The following UBE2H variants were observed in gnomAD, a reference collection of about 807,000 sequenced individuals.
UBE2H encodes ubiquitin-conjugating enzyme E2 H.
Under a neutral mutation model 29.0 loss-of-function variants are expected in UBE2H, and 3 were observed. The ratio of observed to expected loss-of-function variants is 0.10; its 90% CI spans 0.05 to 0.27. The LOEUF (loss-of-function observed/expected upper bound fraction) is 0.27, where lower values mean the gene tolerates loss of function less well. Among genes scored for constraint, UBE2H ranks in the 10% least tolerant of loss-of-function variants. The pLI, the probability that UBE2H is intolerant of heterozygous loss-of-function variation, is 1.00. For synonymous variants in UBE2H, 69 were observed against 82.9 expected, an observed-to-expected ratio of 0.83 and a Z score of 0.91; for missense variants, 68 against 228.2, an observed-to-expected ratio of 0.30 and a Z score of 4.52.
chr7:129,884,584 G>A (rs1213518084), intron 1 of UBE2H, among the ~76,000 whole-genome samples: 9 of 150,314 alleles, frequency 6.0e-5, no homozygotes, highest in Non-Finnish European at 1.3e-4. Flanking sequence ...CTGGTTCAAC[G>A]AATTACTATT....
chr7:129,884,937 A>AAAG (rs1806329259), intron 1 of UBE2H, among the ~76,000 whole-genome samples: 1 of 152,060 alleles, frequency 6.6e-6, no homozygotes, highest in Non-Finnish European at 1.5e-5. Context: ...GCACTGGCTC[A>AAAG]TGCCTATAAT....
At chr7:129,899,207 A>G (rs1202954169) in intron 1 of UBE2H, among the ~76,000 whole-genome samples, 1 of 151,952 alleles carries the variant, frequency 6.6e-6, no homozygotes, top group East Asian at 1.9e-4. Context: ...GTCTGTTGGT[A>G]TACTTTTTCA....
At chr7:129,878,969 TGG>T (rs1806202066) in intron 3 of UBE2H, among the ~76,000 whole-genome samples, 5 of 151,822 alleles carry the variant, frequency 3.3e-5, no homozygotes, top group African/African-American at 1.2e-4. Context: ...AGTGCCTCAA[TGG>T]GGGTGACAGG....
At chr7:129,930,305 G>A (rs2116491722) in intron 1 of UBE2H, among the ~76,000 whole-genome samples, 1 of 152,200 alleles carries the variant, frequency 6.6e-6, no homozygotes, top group Admixed American at 6.5e-5. Context: ...GGGATTACAG[G>A]CATGCGCCAC....
intron 3 of UBE2H, among the ~76,000 whole-genome samples, chr7:129,870,193 C>T (rs527460953): frequency 6.6e-6 from 1 of 152,302 alleles, no homozygotes; most frequent in Non-Finnish European, 1.5e-5. Context: ...TCTGATCCTG[C>T]TCCCTCCTTC....
At chr7:129,945,429 C>T (rs1807742720) in intron 1 of UBE2H, among the ~76,000 whole-genome samples, 1 of 152,150 alleles carries the variant, frequency 6.6e-6, no homozygotes, top group South Asian at 2.1e-4. Flanking sequence ...CAAAAAACAT[C>T]AAAGTTTAAA....
intron 5 of UBE2H, among the ~76,000 whole-genome samples, chr7:129,849,049 G>A (rs1488992922): frequency 1.3e-5 from 2 of 152,022 alleles, no homozygotes; most frequent in Non-Finnish European, 2.9e-5. Flanking sequence ...CCTGCTTGCA[G>A]TCTGTAAACA....
chr7:129,936,025 C>T (rs62491537), intron 1 of UBE2H, among the ~76,000 whole-genome samples: 22,100 of 152,064 alleles, frequency 0.15, 1,678 homozygotes, highest in Admixed American at 0.2. Flanking sequence ...GCCACCATTG[C>T]TTTGTAATAC....
intron 1 of UBE2H, among the ~76,000 whole-genome samples, chr7:129,944,748 A>ACACACC (rs34490269): frequency 7.1e-6 from 1 of 140,040 alleles, no homozygotes; most frequent in Admixed American, 7.1e-5. Flanking sequence ...ACACACACAC[A>ACACACC]CACGCACGCA....
intron 1 of UBE2H, among the ~76,000 whole-genome samples, chr7:129,933,957 G>T (rs532016577): frequency 6.6e-6 from 1 of 152,044 alleles, no homozygotes; most frequent in East Asian, 1.9e-4. Context: ...ACAAAAAGTG[G>T]GCCATAACAT....
At position 129,871,150 on chromosome 7, in the gene UBE2H, A is replaced by C. The variant is rs984195784; in HGVS notation, c.205+8418T>G. Among the ~76,000 whole-genome samples the C allele has an allele frequency of 2.6e-5, 4 of 152,192 alleles. No homozygotes were observed. In the South Asian group the frequency reaches 6.2e-4, roughly 24 times the overall value. On this transcript the variant is annotated intron_variant, in intron 3 of 6. Transcript: ENST00000355621. ...AAAGAACATAAAGTATTAAGAGAGC[A>C]ATTTGTTCACTTCTGTATCTACAGC...
intron 3 of UBE2H, among the ~76,000 whole-genome samples, chr7:129,860,286 T>C (rs1409471920): frequency 6.6e-6 from 1 of 152,194 alleles, no homozygotes; most frequent in African/African-American, 2.4e-5. Context: ...AGCATAATGT[T>C]CTATCTACTA....
intron 3 of UBE2H, among the ~76,000 whole-genome samples, chr7:129,863,413 T>G (rs951890793): frequency 6.6e-6 from 1 of 152,166 alleles, no homozygotes; most frequent in Non-Finnish European, 1.5e-5. Flanking sequence ...GGTCTGTTTC[T>G]TTACCTACGA....
At chr7:129,938,406 CCTCA>C (rs1807572709) in intron 1 of UBE2H, among the ~76,000 whole-genome samples, 1 of 103,018 alleles carries the variant, frequency 9.7e-6, no homozygotes, top group Non-Finnish European at 1.8e-5. Context: ...AGAGAGACTG[CCTCA>C]TTCAAAAAAA....
intron 1 of UBE2H, among the ~76,000 whole-genome samples, chr7:129,890,973 A>T (rs1007967622): frequency 6.6e-6 from 1 of 151,756 alleles, no homozygotes; most frequent in Non-Finnish European, 1.5e-5. Flanking sequence ...TCTCTACTAA[A>T]AATACAAAAC....
intron 1 of UBE2H, among the ~76,000 whole-genome samples, chr7:129,889,444 A>G (rs1292825233): frequency 1.3e-5 from 2 of 152,166 alleles, no homozygotes; most frequent in East Asian, 1.9e-4. Context: ...CAGATCTCCA[A>G]ATCAATCTTC....
intron 1 of UBE2H, among the ~76,000 whole-genome samples, chr7:129,885,572 C>T (rs1806343727): frequency 6.6e-6 from 1 of 152,164 alleles, no homozygotes; most frequent in African/African-American, 2.4e-5. Flanking sequence ...CTTCTCTTTC[C>T]CATGATCCCC....
At chr7:129,912,224 C>CA (rs1563043754) in intron 1 of UBE2H, among the ~76,000 whole-genome samples, 1 of 151,962 alleles carries the variant, frequency 6.6e-6, no homozygotes, top group East Asian at 1.9e-4. Flanking sequence ...TGAATAGTTG[C>CA]AAAAAAGACC....
rs776245366 is a variant in UBE2H at position 129,880,883 on chromosome 7, A to G, written c.130+12T>C. The G allele has an allele frequency of 6.2e-7, 1 of 1,607,580 alleles. No homozygotes were observed. Among genetic ancestry groups the G allele is most frequent in the Middle Eastern group, 1.7e-4 (1 of 6,054 alleles). Reference sequence around the variant, plus strand: ...CTGTAATAGAAGAACACATACCAACACATGTACTTACTTCCTTGTGGTCCA... The same window carrying G: ...CTGTAATAGAAGAACACATACCAACGCATGTACTTACTTCCTTGTGGTCCA... On this transcript the variant is annotated intron_variant, in intron 2 of 6. Transcript: ENST00000355621.
Sources: gnomAD v4.1 joint callset for allele counts (sites outside exome capture counted in the v4.1 genomes callset) on GRCh38, gnomAD v4.1.1 for gene constraint, MANE v1.5 for transcripts, NCBI Gene and HGNC (gene_info 2026-07-23, HGNC 2026-07-21) for gene names.